Variants in CNTN1 observed in about 807,000 individuals in gnomAD.
The protein encoded by CNTN1 is contactin 1, also known as contactin-1.
CNTN1 carries 38 observed loss-of-function variants against 126.4 expected under a neutral mutation model. The ratio of observed to expected loss-of-function variants is 0.30; its 90% CI spans 0.23 to 0.39. The LOEUF is 0.39. Among genes scored for constraint, CNTN1 ranks in the 10% least tolerant of loss-of-function variants. CNTN1 has a pLI of 1.00. For synonymous variants in CNTN1, 413 were observed against 422.6 expected (o/e 0.98, Z 0.28); for missense variants, 1,009 against 1,248.4 (o/e 0.81, Z 2.89).
intron 17 of CNTN1, among the ~76,000 whole-genome samples, chr12:40,993,958 G>C (rs1408767918): frequency 6.6e-6 from 1 of 152,022 alleles, no homozygotes; most frequent in African/African-American, 2.4e-5. Flanking sequence ...ATGATCTTAA[G>C]TATAAATTAT....
intron 1 of CNTN1, among the ~76,000 whole-genome samples, chr12:40,823,296 G>A (rs994248231): frequency 6.6e-6 from 1 of 152,158 alleles, no homozygotes; most frequent in Non-Finnish European, 1.5e-5. Context: ...TTATGTCTGT[G>A]GTTCTCAGCA....
At chr12:41,040,705 GCTCT>G (rs1288529219) in intron 23 of CNTN1, among the ~76,000 whole-genome samples, 1 of 151,718 alleles carries the variant, frequency 6.6e-6, no homozygotes, top group Non-Finnish European at 1.5e-5. Context: ...TCATGATTTG[GCTCT>G]CTGTTTGTCT....
At chr12:40,856,763 A>G (rs312267) in intron 1 of CNTN1, among the ~76,000 whole-genome samples, 100,116 of 151,980 alleles carry the variant, frequency 0.66, 33,935 homozygotes, top group African/African-American at 0.83. Flanking sequence ...AAAGTCCAGC[A>G]GCAGGAGGTC....
rs139045857 is a variant in CNTN1 at position 40,711,376 on chromosome 12, G to T, written c.-77+18784G>T. On this transcript the variant is annotated intron_variant, in intron 1 of 23. Transcript: ENST00000551295. ...CCACCCAATTTATTGTAGAGAAAAA[G>T]TAAAGCCAATTTTGGTCAAGTCTTC... Among the ~76,000 whole-genome samples the T allele has an allele frequency of 1.7e-3, 260 of 152,182 alleles. 2 individuals carry two copies. The East Asian group carries it at 0.021, about 12-fold the overall frequency.
At chr12:40,836,417 A>G (rs1298695401) in intron 1 of CNTN1, among the ~76,000 whole-genome samples, 4 of 151,726 alleles carry the variant, frequency 2.6e-5, no homozygotes, top group African/African-American at 9.7e-5. Context: ...TAGGGAACAC[A>G]CTAATTTATT....
intron 1 of CNTN1, among the ~76,000 whole-genome samples, chr12:40,777,759 C>G (rs888251211): frequency 6.6e-6 from 1 of 151,766 alleles, no homozygotes; most frequent in African/African-American, 2.4e-5. Context: ...TTTCAAACCC[C>G]GGTCCAACTG....
At chr12:41,002,491 C>G (rs1948385773) in intron 17 of CNTN1, among the ~76,000 whole-genome samples, 1 of 150,970 alleles carries the variant, frequency 6.6e-6, no homozygotes, top group South Asian at 2.1e-4. Flanking sequence ...GATTTTGTAT[C>G]TTGAGACTTT....
chr12:40,946,586 A>G (rs929021818), intron 14 of CNTN1, among the ~76,000 whole-genome samples: 1 of 152,124 alleles, frequency 6.6e-6, no homozygotes, highest in Non-Finnish European at 1.5e-5. Flanking sequence ...TTTGGTAGCT[A>G]TTACAGTTAA....
At chr12:40,965,832 T>C (rs1300350166) in intron 15 of CNTN1, among the ~76,000 whole-genome samples, 1 of 152,172 alleles carries the variant, frequency 6.6e-6, no homozygotes, top group African/African-American at 2.4e-5. Context: ...CAAATATGGC[T>C]TTATGTTTGA....
At chr12:40,822,555 T>A (rs1258921321) in intron 1 of CNTN1, among the ~76,000 whole-genome samples, 1 of 152,156 alleles carries the variant, frequency 6.6e-6, no homozygotes. Context: ...TGTAGCTCTA[T>A]TGTATTATTT....
chr12:40,862,600 A>G (rs1370372098), intron 1 of CNTN1, among the ~76,000 whole-genome samples: 17 of 152,176 alleles, frequency 1.1e-4, no homozygotes. Context: ...TCACATTGTT[A>G]CACAGAGGCG....
chr12:41,067,616 G>A (rs1950073269), intron 23 of CNTN1, among the ~76,000 whole-genome samples: 1 of 139,362 alleles, frequency 7.2e-6, no homozygotes, highest in Non-Finnish European at 1.5e-5. Context: ...GGGGACTGTG[G>A]TGGGGTGGGG....
At chr12:40,777,811 C>A (rs1939646745) in intron 1 of CNTN1, among the ~76,000 whole-genome samples, 1 of 151,726 alleles carries the variant, frequency 6.6e-6, no homozygotes, top group Admixed American at 6.6e-5. Flanking sequence ...CAACTTTGAG[C>A]TTCAGATTCA....
chr12:40,782,746 T>C (rs1370438727), intron 1 of CNTN1, among the ~76,000 whole-genome samples: 1 of 151,980 alleles, frequency 6.6e-6, no homozygotes, highest in African/African-American at 2.4e-5. Flanking sequence ...ATTCTCTACC[T>C]GAAAAATAAT....
intron 1 of CNTN1, among the ~76,000 whole-genome samples, chr12:40,737,361 A>G (rs28429714): frequency 1.5e-5 from 2 of 135,104 alleles, no homozygotes; most frequent in African/African-American, 5.9e-5. Context: ...GTGTGTGTGT[A>G]TATATATATA....
At chr12:40,811,246 C>A (rs1196780029) in intron 1 of CNTN1, among the ~76,000 whole-genome samples, 1 of 152,088 alleles carries the variant, frequency 6.6e-6, no homozygotes, top group East Asian at 1.9e-4. Flanking sequence ...TTTTTAGTAT[C>A]ATCCATAATG....
chr12:41,046,641 T>C (rs1949545360), intron 23 of CNTN1, among the ~76,000 whole-genome samples: 2 of 151,962 alleles, frequency 1.3e-5, no homozygotes, highest in South Asian at 2.1e-4. Context: ...ACTAAACGGG[T>C]CCATGACACC....
At chr12:40,854,687 T>A (rs1270145411) in intron 1 of CNTN1, among the ~76,000 whole-genome samples, 2 of 152,150 alleles carry the variant, frequency 1.3e-5, no homozygotes, top group Non-Finnish European at 2.9e-5. Flanking sequence ...AGTTATGTGC[T>A]ATGACAACAT....
intron 1 of CNTN1, among the ~76,000 whole-genome samples, chr12:40,864,676 C>A (rs948560203): frequency 1.3e-5 from 2 of 152,092 alleles, no homozygotes; most frequent in African/African-American, 2.4e-5. Context: ...TACTTCATTC[C>A]TTTTTATTAC....
Sources: allele counts gnomAD v4.1 joint callset (sites outside exome capture counted in the v4.1 genomes callset), GRCh38; gene constraint gnomAD v4.1.1; transcripts MANE v1.5; gene names NCBI Gene and HGNC (gene_info 2026-07-23, HGNC 2026-07-21).